Variants in AGBL4 observed in about 807,000 individuals in gnomAD.
AGBL4 encodes the protein cytosolic carboxypeptidase 6.
Under a neutral mutation model 66.4 loss-of-function variants are expected in AGBL4, and 58 were observed. The observed-to-expected ratio is 0.87, with a 90% CI of 0.71 to 1.09. The LOEUF is 1.09. AGBL4 is among the 50% of genes least tolerant of loss of function. The pLI, the probability that AGBL4 is intolerant of heterozygous loss-of-function variation, is 0.00. For synonymous variants in AGBL4, 234 were observed against 222.9 expected, an observed-to-expected ratio of 1.05 and a Z score of -0.44; for missense variants, 579 against 631.0, an observed-to-expected ratio of 0.92 and a Z score of 0.88.
At chr1:49,831,300 G>C (rs555685714) in intron 2 of AGBL4, among the ~76,000 whole-genome samples, 1 of 152,206 alleles carries the variant, frequency 6.6e-6, no homozygotes, top group East Asian at 1.9e-4. Context: ...GTGGTTTGTA[G>C]TTCTCCTTGA....
chr1:49,049,991 G>T lies in AGBL4; in HGVS notation c.378-4191C>A, dbSNP rs1053246977. Among the ~76,000 whole-genome samples the T allele has an allele frequency of 5.3e-5, 8 of 152,078 alleles. No individual in the cohort carries two copies. In the East Asian group the frequency reaches 1.5e-3, roughly 29 times the overall value. On this transcript the variant is annotated intron_variant, in intron 4 of 13. Coordinates refer to ENST00000371839, the MANE Select transcript of AGBL4 (RefSeq NM_032785.4). ...TTATATCAATGGTATGGAAATAAAG[G>T]TAGAGTCAAGGACCTTTATGCTTAT... is the stretch of plus-strand genomic sequence containing the variant.
chr1:50,001,041 A>T (rs1660713499), intron 1 of AGBL4, among the ~76,000 whole-genome samples: 1 of 151,882 alleles, frequency 6.6e-6, no homozygotes, highest in Admixed American at 6.5e-5. Flanking sequence ...TTAAAAAATT[A>T]AAAATTAAAA....
intron 3 of AGBL4, among the ~76,000 whole-genome samples, chr1:49,376,537 G>C (rs1479238020): frequency 2.0e-5 from 3 of 152,174 alleles, no homozygotes; most frequent in South Asian, 4.1e-4. Flanking sequence ...GGTGGAAACA[G>C]CTTTTACTAT....
At chr1:49,789,413 A>G (rs929417369) in intron 2 of AGBL4, among the ~76,000 whole-genome samples, 2 of 152,222 alleles carry the variant, frequency 1.3e-5, no homozygotes, top group Non-Finnish European at 2.9e-5. Flanking sequence ...TGCAGATGAC[A>G]TGATTGTATG....
At chr1:49,926,221 A>G (rs1652753933) in intron 1 of AGBL4, among the ~76,000 whole-genome samples, 1 of 152,218 alleles carries the variant, frequency 6.6e-6, no homozygotes, top group African/African-American at 2.4e-5. Context: ...AAGAGAAAAG[A>G]ACAAGAGTCT....
At chr1:49,323,218 C>G (rs538218082) in intron 3 of AGBL4, among the ~76,000 whole-genome samples, 34 of 152,200 alleles carry the variant, frequency 2.2e-4, no homozygotes, top group African/African-American at 7.5e-4. Context: ...TTATACCCTA[C>G]AAACTCCTGA....
chr1:49,199,388 A>C (rs1413976073), intron 4 of AGBL4, among the ~76,000 whole-genome samples: 2 of 152,330 alleles, frequency 1.3e-5, no homozygotes, highest in East Asian at 3.9e-4. Context: ...ACAGGAGAGC[A>C]GGAAGTATCC....
Position 49,877,996 on chromosome 1 carries a change from G to A in AGBL4, c.35-26478C>T, listed in dbSNP as rs539088253. 4.6e-5 allele frequency among the ~76,000 whole-genome samples: 7 copies of A among 151,996 alleles called. No homozygotes were observed. The East Asian group carries it at 7.7e-4, about 17-fold the overall frequency. On this transcript the variant is annotated intron_variant, in intron 1 of 13. Transcript: ENST00000371839. ...TGGTAGTTTGTATTTCTATGGGATCGGTGGTGATATCCCCTTTATCATTTT... is the reference window on the plus strand; with the variant it reads ...TGGTAGTTTGTATTTCTATGGGATCAGTGGTGATATCCCCTTTATCATTTT...
At chr1:49,179,652 GA>G (rs1303532682) in intron 4 of AGBL4, among the ~76,000 whole-genome samples, 1 of 151,906 alleles carries the variant, frequency 6.6e-6, no homozygotes, top group Non-Finnish European at 1.5e-5. Flanking sequence ...AGAACCAGCA[GA>G]TTCAAGACAA....
At chr1:49,488,918 C>T (rs1647127700) in intron 3 of AGBL4, among the ~76,000 whole-genome samples, 1 of 151,874 alleles carries the variant, frequency 6.6e-6, no homozygotes, top group African/African-American at 2.4e-5. Flanking sequence ...ATCACGTTTT[C>T]TTTATCCATT....
At chr1:48,530,643 C>G (rs1163708429), downstream of AGBL4, among the ~76,000 whole-genome samples, 13 of 152,190 alleles carry the variant, frequency 8.5e-5, no homozygotes, top group Admixed American at 8.5e-4. Context: ...TGGGTAACCT[C>G]CAGTTTGTCT....
intron 2 of AGBL4, among the ~76,000 whole-genome samples, chr1:49,735,031 C>G (rs1265750252): frequency 6.6e-6 from 1 of 151,832 alleles, no homozygotes; most frequent in Non-Finnish European, 1.5e-5. Context: ...ATAGTCTTTC[C>G]AAGAAATGGT....
At chr1:49,180,129 C>T (rs1216354656) in intron 4 of AGBL4, among the ~76,000 whole-genome samples, 1 of 152,022 alleles carries the variant, frequency 6.6e-6, no homozygotes, top group Admixed American at 6.5e-5. Flanking sequence ...AACTCCTGAC[C>T]TCAGGTGATC....
chr1:48,714,379 A>C (rs533633682), intron 6 of AGBL4, among the ~76,000 whole-genome samples: 2 of 152,210 alleles, frequency 1.3e-5, no homozygotes, highest in Non-Finnish European at 2.9e-5. Flanking sequence ...CACTCAGCCA[A>C]GCCACAAACC....
At chr1:49,426,999 C>T (rs1366475934) in intron 3 of AGBL4, among the ~76,000 whole-genome samples, 1 of 152,088 alleles carries the variant, frequency 6.6e-6, no homozygotes, top group African/African-American at 2.4e-5. Flanking sequence ...CAGAAGGACA[C>T]ACAACTTTCC....
At chr1:49,591,914 T>C (rs1418464077) in intron 3 of AGBL4, among the ~76,000 whole-genome samples, 1 of 152,152 alleles carries the variant, frequency 6.6e-6, no homozygotes, top group Non-Finnish European at 1.5e-5. Context: ...AATTCCTTCC[T>C]TACACCATAT....
intron 3 of AGBL4, among the ~76,000 whole-genome samples, chr1:49,256,926 C>G (rs1045662829): frequency 6.6e-6 from 1 of 152,042 alleles, no homozygotes; most frequent in African/African-American, 2.4e-5. Flanking sequence ...TGGAACAAAC[C>G]AAGCTGGGTC....
rs937624930 is a variant in AGBL4 at position 49,635,957 on chromosome 1, C to T, written c.282+61356G>A. The stretch of plus-strand genomic sequence containing the variant: ...ATTTACAGCAACTAAAAATTAGATA[C>T]CTCCAAAATGATAAAATGGAAACTT... On this transcript the variant is annotated intron_variant, in intron 3 of 13. Coordinates refer to ENST00000371839, the MANE Select transcript of AGBL4 (RefSeq NM_032785.4). 4.6e-5 allele frequency among the ~76,000 whole-genome samples: 7 copies of T among 152,088 alleles called. No individual in the cohort carries two copies. In the East Asian group the frequency reaches 1.3e-3, roughly 29 times the overall value.
intron 9 of AGBL4, among the ~76,000 whole-genome samples, chr1:48,617,877 C>A (rs947084376): frequency 2.0e-5 from 3 of 152,102 alleles, no homozygotes; most frequent in African/African-American, 7.2e-5. Flanking sequence ...AGTCCAGGTG[C>A]TTTTTTAAAA....
Sources: gnomAD v4.1 joint callset for allele counts (sites outside exome capture counted in the v4.1 genomes callset) on GRCh38, gnomAD v4.1.1 for gene constraint, MANE v1.5 for transcripts, NCBI Gene and HGNC (gene_info 2026-07-23, HGNC 2026-07-21) for gene names.